HIF3A: variants seen among roughly 807,000 people sequenced by gnomAD.
HIF3A encodes the protein hypoxia inducible factor 3 subunit alpha.
Under a neutral mutation model 67.2 loss-of-function variants are expected in HIF3A, and 41 were observed. The ratio of observed to expected loss-of-function variants is 0.61; its 90% CI spans 0.48 to 0.79. The LOEUF (loss-of-function observed/expected upper bound fraction) is 0.79. HIF3A is among the 30% of genes least tolerant of loss of function. HIF3A has a pLI of 0.00. For missense variants in HIF3A, 855 were observed against 898.0 expected, an observed-to-expected ratio of 0.95 and a Z score of 0.61; for synonymous variants, 356 against 374.8, an observed-to-expected ratio of 0.95 and a Z score of 0.58.
At position 46,339,582 on chromosome 19, in the gene HIF3A, G is replaced by C. The variant is rs1266808109; in HGVS notation, c.1970G>C (p.Gly657Ala). The change falls in exon 15 of 15, where the codon GGC (glycine) becomes GCC (alanine). Residue 657 changes from glycine (G) to alanine (A), a missense_variant. Physicochemically the swap from Gly to Ala is moderately conservative, Grantham distance 60 (BLOSUM62 0). This residue lies in a region of HIF3A where 199 missense variants were observed against 193.8 expected (regional missense o/e 1.03). Transcript: ENST00000377670. The stretch of plus-strand genomic sequence containing the variant: ...GACGAGGACACTACCCAGCCCGGGG[G>C]CCCCTTCCAGCCAAGGGCAGGCTCA... ...YSDEDTTQPG[G>A]PFQPRAGSAQ... The C allele has an allele frequency of 6.2e-7, 1 of 1,607,990 alleles. No individual in the cohort carries two copies. The highest frequency in any genetic ancestry group is 8.5e-7 in the Non-Finnish European group (1 of 1,176,428).
intron 1 of HIF3A, among the ~76,000 whole-genome samples, chr19:46,300,105 C>A (rs1968196801): frequency 6.6e-6 from 1 of 152,176 alleles, no homozygotes; most frequent in South Asian, 2.1e-4. Context: ...AAGGAGAGAT[C>A]ACTTCTCCTG....
intron 1 of HIF3A, among the ~76,000 whole-genome samples, chr19:46,302,873 CAAAAGAAAA>C (rs1321402655): frequency 6.6e-6 from 1 of 152,006 alleles, no homozygotes; most frequent in African/African-American, 2.4e-5. Context: ...CAGCCTGTCT[CAAAAGAAAA>C]GAAAGAAAAG....
chr19:46,308,361 A>AC (rs1216011298), intron 4 of HIF3A, 56 bp downstream of exon 4: 7 of 1,088,084 alleles, frequency 6.4e-6, no homozygotes, highest in Non-Finnish European at 9.6e-6. Flanking sequence ...CTGAGGCTCC[A>AC]CCCCTCCCTC....
At chr19:46,308,504 G>T (rs1178442213) in intron 4 of HIF3A, 159 bp from the exon 5 acceptor site, 2 of 629,582 alleles carry the variant, frequency 3.2e-6, no homozygotes, top group Non-Finnish European at 5.5e-6. Context: ...TGCCCTGGGG[G>T]GTCCAAGGGG....
At chr19:46,314,291 T>C (rs550337311) in intron 8 of HIF3A, among the ~76,000 whole-genome samples, 2 of 145,356 alleles carry the variant, frequency 1.4e-5, no homozygotes, top group Non-Finnish European at 3.0e-5. Flanking sequence ...GGAAGGAGGA[T>C]GACTAGAGCC....
chr19:46,307,807 G>C (rs1240744583), intron 3 of HIF3A, among the ~76,000 whole-genome samples: 1 of 151,860 alleles, frequency 6.6e-6, no homozygotes, highest in African/African-American at 2.4e-5. Context: ...TGTAGTCCCA[G>C]CTACTGAGGA....
chr19:46,301,987 T>C (rs528067332), intron 1 of HIF3A, among the ~76,000 whole-genome samples: 40 of 152,214 alleles, frequency 2.6e-4, no homozygotes, highest in Non-Finnish European at 2.5e-4. Context: ...CTAATAGTAA[T>C]ATTTATCAAT....
chr19:46,325,560 T>C lies in HIF3A; in HGVS notation c.1361T>C (p.Val454Ala). 1 of 1,613,414 alleles carries C rather than the reference T, an allele frequency of 6.2e-7. No individual in the cohort carries two copies. Residue 454 changes from valine (V) to alanine (A), a missense_variant, in exon 11 of 15, where the codon GTG becomes GCG. This residue lies in a region of HIF3A where 638 missense variants were observed against 660.5 expected (regional missense o/e 0.97). Coordinates refer to ENST00000377670, the MANE Select transcript of HIF3A (RefSeq NM_152795.4). ...LSADLPDELP[V>A]GTENVHRLFT... Reference sequence around the variant, plus strand: ...GCTGATCTCCCAGATGAACTACCTGTGGGCACCGAGAATGTGCACAGACTC... The same window carrying C: ...GCTGATCTCCCAGATGAACTACCTGCGGGCACCGAGAATGTGCACAGACTC...
At chr19:46,312,327 A>G (rs528381669) in intron 7 of HIF3A, 60 bp downstream of exon 7, 1 of 1,612,790 alleles carries the variant, frequency 6.2e-7, no homozygotes, top group African/African-American at 1.3e-5. Context: ...AGCTGACACC[A>G]GGACCCCCCA....
chr19:46,329,319 C>T lies in HIF3A; in HGVS notation c.1553C>T (p.Ala518Val). 15 of 1,613,342 alleles carry T rather than the reference C, an allele frequency of 9.3e-6. No homozygotes were observed. Among genetic ancestry groups the T allele is most frequent in the Non-Finnish European group, 1.3e-5 (15 of 1,179,952 alleles). ...LPRAYHRPLG[A>V]VPRPRARSFH... ...AGGGCCTACCACAGACCTCTGGGGGCTGTCCCCCGGCCCCGTGCTCGGAGC... is the reference window on the plus strand; with the variant it reads ...AGGGCCTACCACAGACCTCTGGGGGTTGTCCCCCGGCCCCGTGCTCGGAGC... Residue 518 changes from alanine to valine, a missense_variant, in exon 12 of 15, where the codon GCT (alanine) becomes GTT (valine). Around this residue, in one of 3 missense-constraint regions of HIF3A, gnomAD observed 199 missense variants for 193.8 expected, o/e 1.03. Transcript: ENST00000377670.
intron 13 of HIF3A, among the ~76,000 whole-genome samples, chr19:46,333,794 T>TC: frequency 7.5e-6 from 1 of 132,768 alleles, no homozygotes; most frequent in African/African-American, 2.8e-5. Flanking sequence ...CTTTCTTTTT[T>TC]TTTTTTTTTT....
chr19:46,298,271 C>G lies in HIF3A; in HGVS notation c.26+1169C>G, dbSNP rs556653515. 1.0e-3 allele frequency: 540 copies of G among 526,130 alleles called. 4 individuals carry two copies. Among genetic ancestry groups the G allele is most frequent in the South Asian group, 4.4e-3 (249 of 56,578 alleles). The allele number at this position is 526,130 out of a possible 1,614,324, so 32.6% of individuals were successfully genotyped here. On this transcript the variant is annotated intron_variant, in intron 1 of 14. Transcript: ENST00000377670. ...CCCTGGCTCTGGGCCTAACAAGGAA[C>G]TCTATCCCACCCCTTTTGGGCCAGC...
At position 46,339,629 on chromosome 19, in the gene HIF3A, T is replaced by A; in HGVS notation, c.*7T>A. 6.3e-7 allele frequency: 1 copy of A among 1,585,588 alleles called. No homozygotes were observed. Among genetic ancestry groups the A allele is most frequent in the African/African-American group, 1.4e-5 (1 of 73,814 alleles). ...CTCAGCCCAGGCTGACTGAGCCGGC[T>A]CCTCTCCCCATCTGCCTTCTCCTCC... On this transcript the variant is annotated 3_prime_UTR_variant, in exon 15 of 15. Transcript: ENST00000377670.
intron 2 of HIF3A, chr19:46,304,298 GC>G (rs905652948): frequency 3.5e-6 from 2 of 579,142 alleles, no homozygotes; most frequent in Non-Finnish European, 3.1e-6. Context: ...TGGGAGTCCC[GC>G]CCCCCTCGAA....
rs1179973255 is a variant in HIF3A at position 46,343,374 on chromosome 19, T to C, written c.*3752T>C. The C allele has an allele frequency of 6.6e-6, 1 of 152,664 alleles. No individual in the cohort carries two copies. Among genetic ancestry groups the C allele is most frequent in the Non-Finnish European group, 1.5e-5 (1 of 68,142 alleles). The allele number at this position is 152,664 out of a possible 1,614,324, so 9.5% of individuals were successfully genotyped here. ...AGGGGAGGGACTAGACTGGCCACAC[T>C]GGCTCTGAAACTCACCAATCTCTAT... On this transcript the variant is annotated 3_prime_UTR_variant, in exon 15 of 15. Transcript: ENST00000377670.
At position 46,312,220 on chromosome 19, in the gene HIF3A, A is replaced by G; in HGVS notation, c.830A>G (p.Tyr277Cys). 6.2e-6 allele frequency: 10 copies of G among 1,613,930 alleles called. No homozygotes were observed. Among genetic ancestry groups the G allele is most frequent in the Non-Finnish European group, 8.5e-6 (10 of 1,179,950 alleles). The change falls in exon 7 of 15, where the codon TAC becomes TGC. Residue 277 changes from tyrosine (Y) to cysteine (C), a missense_variant. This residue lies in a region of HIF3A where 638 missense variants were observed against 660.5 expected (regional missense o/e 0.97). Transcript: ENST00000377670. ...CTGATCGGCTGTTCCGCCTACGAGT[A>G]CATCCACGCGCTGGACTCCGATGCG... ...DDLIGCSAYE[Y>C]IHALDSDAVS...
At chr19:46,311,925 C>T (rs1446755080) in intron 6 of HIF3A, 8 of 716,792 alleles carry the variant, frequency 1.1e-5, no homozygotes, top group South Asian at 8.7e-5. Context: ...GTCCCTTTAG[C>T]CACGTAAGAG....
In HIF3A at chr19:46,309,499, G is replaced by C. The variant is rs1419837270; in HGVS notation, c.770+140G>C. The C allele has an allele frequency of 1.6e-5, 10 of 614,072 alleles. No homozygotes were observed. In the Admixed American group the frequency reaches 3.1e-4, roughly 19 times the overall value. 38.0% of individuals were successfully genotyped at this position (614,072 alleles called of 1,614,324 possible). A position where few individuals can be genotyped will look rare whatever the true frequency, so the allele number is the denominator to read the frequency against. ...TCTCTCTCTCTTTGTGTGCCTGCCT[G>C]TCTCTGAATTTTCTACATGCCTTTT... is the stretch of plus-strand genomic sequence containing the variant. On this transcript the variant is annotated intron_variant, in intron 6 of 14. Coordinates refer to ENST00000377670, the MANE Select transcript of HIF3A (RefSeq NM_152795.4).
chr19:46,323,072 C>T (rs35859939), intron 10 of HIF3A, among the ~76,000 whole-genome samples: 93,427 of 149,222 alleles, frequency 0.63, 29,447 homozygotes, highest in Non-Finnish European at 0.66. Flanking sequence ...TTTTTTGAGA[C>T]GGAGTTTTGC....
Sources: gnomAD v4.1 joint callset for allele counts (sites outside exome capture counted in the v4.1 genomes callset) on GRCh38, gnomAD v4.1.1 for gene constraint, gnomAD v4.1.1 regional missense constraint, MANE v1.5 for transcripts, NCBI Gene and HGNC (gene_info 2026-07-23, HGNC 2026-07-21) for gene names.